Variants in XIRP2 observed in about 807,000 individuals in gnomAD.
XIRP2 encodes xin actin-binding repeat-containing protein 2.
Under a neutral mutation model 277.0 loss-of-function variants are expected in XIRP2, and 236 were observed. That is an observed-to-expected ratio of 0.85 (90% CI 0.77 to 0.95). The LOEUF is 0.95. Among genes scored for constraint, XIRP2 ranks in the 40% least tolerant of loss-of-function variants. The pLI, the probability that XIRP2 is intolerant of heterozygous loss-of-function variation, is 0.00. For synonymous variants in XIRP2, 1,490 were observed against 1,416.5 expected, an observed-to-expected ratio of 1.05 and a Z score of -1.17; for missense variants, 4,640 against 4,157.5, an observed-to-expected ratio of 1.12 and a Z score of -3.19.
At chr2:167,085,542 G>A (rs1336032925) in intron 2 of XIRP2, among the ~76,000 whole-genome samples, 2 of 152,044 alleles carry the variant, frequency 1.3e-5, no homozygotes, top group Middle Eastern at 3.2e-3. Context: ...TGACAGTGGG[G>A]TGTTAAAGTC....
At chr2:167,239,266 G>A (rs565538467) in intron 5 of XIRP2, among the ~76,000 whole-genome samples, 2 of 152,206 alleles carry the variant, frequency 1.3e-5, no homozygotes. Flanking sequence ...TGCTTGCTAA[G>A]TGTAGCAGGC....
chr2:167,128,530 G>A (rs1031474860), intron 2 of XIRP2, among the ~76,000 whole-genome samples: 2 of 152,170 alleles, frequency 1.3e-5, no homozygotes, highest in African/African-American at 4.8e-5. Context: ...ACTTGAACGT[G>A]TATGGGTTTT....
At chr2:167,088,398 T>G (rs952752180) in intron 2 of XIRP2, among the ~76,000 whole-genome samples, 1 of 152,098 alleles carries the variant, frequency 6.6e-6, no homozygotes, top group Admixed American at 6.6e-5. Context: ...CTGACCCACT[T>G]AAAGTCACTT....
At chr2:167,158,984 G>A (rs951990253) in intron 3 of XIRP2, among the ~76,000 whole-genome samples, 2 of 152,168 alleles carry the variant, frequency 1.3e-5, no homozygotes, top group African/African-American at 2.4e-5. Context: ...GGAGGGGAAA[G>A]AGTTCCCAAG....
chr2:167,012,293 T>G (rs1687702905), intron 2 of XIRP2, among the ~76,000 whole-genome samples: 1 of 151,942 alleles, frequency 6.6e-6, no homozygotes, highest in Non-Finnish European at 1.5e-5. Flanking sequence ...AGAACATCTT[T>G]ATTTCTGCCT....
chr2:167,182,736 A>C (rs1693052260), intron 3 of XIRP2, among the ~76,000 whole-genome samples: 1 of 152,232 alleles, frequency 6.6e-6, no homozygotes, highest in African/African-American at 2.4e-5. Context: ...ACAGAATAAA[A>C]GAAAATAATA....
intron 6 of XIRP2, 78 bp downstream of exon 6, chr2:167,240,043 C>A: frequency 2.5e-6 from 3 of 1,223,808 alleles, no homozygotes; most frequent in Non-Finnish European, 3.4e-6. Flanking sequence ...TAAGCATTTG[C>A]ATTTATTGTC....
At chr2:167,034,603 C>G (rs1408871893) in intron 2 of XIRP2, among the ~76,000 whole-genome samples, 1 of 151,822 alleles carries the variant, frequency 6.6e-6, no homozygotes, top group African/African-American at 2.4e-5. Flanking sequence ...AAAATGATAT[C>G]CCATGCCAAC....
intron 3 of XIRP2, among the ~76,000 whole-genome samples, chr2:167,139,884 T>G (rs1488062856): frequency 6.6e-6 from 1 of 152,212 alleles, no homozygotes; most frequent in East Asian, 1.9e-4. Context: ...TTCATTGAAT[T>G]TTAAGTAATG....
chr2:166,940,366 T>C (rs577285246), intron 2 of XIRP2, among the ~76,000 whole-genome samples: 2 of 152,302 alleles, frequency 1.3e-5, no homozygotes, highest in African/African-American at 2.4e-5. Context: ...TTTCAAGGTT[T>C]TTAGCCTCTT....
At chr2:167,203,191 G>A (rs1265633091) in intron 3 of XIRP2, among the ~76,000 whole-genome samples, 2 of 152,162 alleles carry the variant, frequency 1.3e-5, no homozygotes, top group Non-Finnish European at 2.9e-5. Context: ...GGATTAGGAT[G>A]TGAACATCTT....
At chr2:167,170,685 A>G (rs888750825) in intron 3 of XIRP2, among the ~76,000 whole-genome samples, 2 of 151,826 alleles carry the variant, frequency 1.3e-5, no homozygotes, top group Admixed American at 6.6e-5. Flanking sequence ...GATAATTTCT[A>G]TTTTCTCCTC....
chr2:166,936,599 A>G (rs1685510527), intron 2 of XIRP2, among the ~76,000 whole-genome samples: 1 of 152,200 alleles, frequency 6.6e-6, no homozygotes, highest in South Asian at 2.1e-4. Context: ...ATAAGGTGTA[A>G]GGAAGGGATC....
chr2:167,105,833 T>C (rs1475680925), intron 2 of XIRP2, among the ~76,000 whole-genome samples: 1 of 151,800 alleles, frequency 6.6e-6, no homozygotes, highest in Non-Finnish European at 1.5e-5. Flanking sequence ...TACCATTCTT[T>C]GTATTTTAGC....
chr2:166,933,875 C>G (rs1157109739), intron 2 of XIRP2, among the ~76,000 whole-genome samples: 2 of 151,800 alleles, frequency 1.3e-5, no homozygotes, highest in Admixed American at 6.6e-5. Context: ...AATTTATTCT[C>G]TGATATTTGC....
At position 167,054,876 on chromosome 2, in the gene XIRP2, C is replaced by T. The variant is rs1164550341; in HGVS notation, c.409-81033C>T. On this transcript the variant is annotated intron_variant, in intron 2 of 10. Coordinates refer to ENST00000409195, the MANE Select transcript of XIRP2 (RefSeq NM_152381.6). Reference sequence around the variant, plus strand: ...AATATTGATATTTGAATGTATCTTTCCCAATTAAAATAGATTATTATGAAC... The same window carrying T: ...AATATTGATATTTGAATGTATCTTTTCCAATTAAAATAGATTATTATGAAC... Among the ~76,000 whole-genome samples, 5 of 152,272 alleles carry T rather than the reference C, an allele frequency of 3.3e-5. No individual in the cohort carries two copies. In the East Asian group the frequency reaches 9.6e-4, roughly 29 times the overall value.
At chr2:166,945,465 A>G (rs1006069952) in intron 2 of XIRP2, among the ~76,000 whole-genome samples, 1 of 152,188 alleles carries the variant, frequency 6.6e-6, no homozygotes, top group South Asian at 2.1e-4. Flanking sequence ...TGGCTCAAAA[A>G]AACCTTAAAA....
intron 3 of XIRP2, among the ~76,000 whole-genome samples, chr2:167,177,731 G>A (rs1239871159): frequency 2.6e-5 from 4 of 152,232 alleles, no homozygotes; most frequent in African/African-American, 9.6e-5. Flanking sequence ...CTGTTTGACA[G>A]TACTCTCGTA....
chr2:167,186,741 G>T (rs1693166169), intron 3 of XIRP2, among the ~76,000 whole-genome samples: 1 of 151,696 alleles, frequency 6.6e-6, no homozygotes, highest in Non-Finnish European at 1.5e-5. Flanking sequence ...ATATTAATGA[G>T]CAGGACTCAC....
Sources: gnomAD v4.1 joint callset for allele counts (sites outside exome capture counted in the v4.1 genomes callset) on GRCh38, gnomAD v4.1.1 for gene constraint, MANE v1.5 for transcripts, NCBI Gene and HGNC (gene_info 2026-07-23, HGNC 2026-07-21) for gene names.